The following IL13RA1 variants were observed in gnomAD, a reference collection of about 807,000 sequenced individuals.
IL13RA1 encodes interleukin 13 receptor subunit alpha 1, also known as interleukin-13 receptor subunit alpha-1.
IL13RA1 carries 14 observed loss-of-function variants against 33.8 expected under a neutral mutation model. That is an observed-to-expected ratio of 0.41 (90% confidence interval 0.27 to 0.65). The LOEUF (loss-of-function observed/expected upper bound fraction) is 0.65, where lower values mean the gene tolerates loss of function less well. Ranked by LOEUF, IL13RA1 falls within the 30% of genes least tolerant of loss-of-function variation. IL13RA1 has a pLI of 0.28. For missense variants in IL13RA1, 313 were observed against 327.0 expected (o/e 0.96, Z 0.33); for synonymous variants, 116 against 115.7 (o/e 1.00, Z -0.02).
chrX:118,783,119 T>C (rs1249687929), intron 10 of IL13RA1, among the ~76,000 whole-genome samples: 1 of 111,863 alleles, frequency 8.9e-6, no homozygotes, highest in Non-Finnish European at 1.9e-5. Context: ...CTTAACCAAA[T>C]CTTGAAAGTA....
intron 6 of IL13RA1, among the ~76,000 whole-genome samples, chrX:118,764,808 C>A (rs1056954493): frequency 8.9e-6 from 1 of 111,778 alleles, no homozygotes; most frequent in Non-Finnish European, 1.9e-5. Context: ...TTTTCTCCAA[C>A]CCAGTCAAGT....
chrX:118,766,799 A>T, intron 7 of IL13RA1, 45 bp from the exon 8 acceptor site: 1 of 761,650 alleles, frequency 1.3e-6, no homozygotes, highest in Non-Finnish European at 1.9e-6. Flanking sequence ...AGTGAAAAAG[A>T]ATAAACTGGT....
At chrX:118,773,724 T>A (rs1271901981) in intron 8 of IL13RA1, among the ~76,000 whole-genome samples, 155 bp from the exon 9 acceptor site, 2 of 111,399 alleles carry the variant, frequency 1.8e-5, no homozygotes, top group Non-Finnish European at 3.8e-5. Flanking sequence ...AACTATTAAT[T>A]TAACAGAAGA....
At chrX:118,747,152 T>A in intron 3 of IL13RA1, 60 bp downstream of exon 3, 2 of 694,576 alleles carry the variant, frequency 2.9e-6, no homozygotes, top group Non-Finnish European at 4.4e-6. Context: ...GCTCCAATGC[T>A]TTTGTGCATT....
chrX:118,737,237 G>A (rs544286004), intron 1 of IL13RA1, among the ~76,000 whole-genome samples: 7 of 112,692 alleles, frequency 6.2e-5, no homozygotes, highest in African/African-American at 1.9e-4. Flanking sequence ...GTGCACAGCC[G>A]CCTGCCATGG....
intron 10 of IL13RA1, among the ~76,000 whole-genome samples, chrX:118,776,999 A>G (rs1390092656): frequency 3.2e-3 from 3 of 926 alleles, no homozygotes; most frequent in African/African-American, 0.012. Flanking sequence ...GTGTGTGTGT[A>G]TATATATATA....
chrX:118,783,855 G>A (rs1368126476), intron 10 of IL13RA1, among the ~76,000 whole-genome samples: 1 of 101,279 alleles, frequency 9.9e-6, no homozygotes, highest in Non-Finnish European at 2.0e-5. Flanking sequence ...GAGGCAAGCG[G>A]ATCACCTGAG....
intron 10 of IL13RA1, among the ~76,000 whole-genome samples, chrX:118,785,123 G>A (rs1384150614): frequency 9.1e-6 from 1 of 110,278 alleles, no homozygotes; most frequent in Non-Finnish European, 1.9e-5. Flanking sequence ...TTTGGCACAG[G>A]GTCTTGCTCT....
rs765365430 is a variant in IL13RA1, at chrX:118,791,859, G to A, written c.*5G>A. 13 of 792,824 alleles carry A rather than the reference G, an allele frequency of 1.6e-5. No homozygotes were observed. Among genetic ancestry groups the A allele is most frequent in the Non-Finnish European group, 2.3e-5 (12 of 523,095 alleles). The allele number at this position is 792,824 out of a possible 1,213,427, so 65.3% of individuals were successfully genotyped here. On this transcript the variant is annotated 3_prime_UTR_variant, in exon 11 of 11. Coordinates refer to ENST00000371666, the MANE Select transcript of IL13RA1 (RefSeq NM_001560.3). ...CTGAAGAAAGCCTCTCAGTGATGGA[G>A]ATAATTTATTTTTACCTTCACTGTG... is the stretch of plus-strand genomic sequence containing the variant.
At chrX:118,755,749 C>A (rs1329419098) in intron 4 of IL13RA1, among the ~76,000 whole-genome samples, 1 of 112,137 alleles carries the variant, frequency 8.9e-6, no homozygotes. Context: ...ACATGGCTTT[C>A]TTTAGTTATG....
At chrX:118,783,932 C>G (rs2017874015) in intron 10 of IL13RA1, among the ~76,000 whole-genome samples, 1 of 102,239 alleles carries the variant, frequency 9.8e-6, no homozygotes, top group Non-Finnish European at 2.0e-5. Context: ...CAAAATTGAC[C>G]AGGCATGGTG....
intron 10 of IL13RA1, among the ~76,000 whole-genome samples, chrX:118,788,130 A>G (rs566703628): frequency 1.5e-4 from 17 of 112,361 alleles, no homozygotes; most frequent in African/African-American, 5.2e-4. Flanking sequence ...TGGAGAACTA[A>G]TAAATGTCCA....
chrX:118,797,172 G>A (rs1222514507), downstream of IL13RA1, among the ~76,000 whole-genome samples: 2 of 112,133 alleles, frequency 1.8e-5, no homozygotes, highest in Non-Finnish European at 3.8e-5. Context: ...ACTAGCTCTA[G>A]GCATCAGCGT....
chrX:118,728,487 C>T (rs934624940), intron 1 of IL13RA1, among the ~76,000 whole-genome samples: 5 of 111,922 alleles, frequency 4.5e-5, no homozygotes, highest in Admixed American at 9.4e-5. Flanking sequence ...TTGGTAACTT[C>T]TAGTTAATCA....
At chrX:118,795,211 CAA>C (rs1222782237), downstream of IL13RA1, among the ~76,000 whole-genome samples, 4 of 26,989 alleles carry the variant, frequency 1.5e-4, no homozygotes, top group Admixed American at 4.6e-4. Context: ...GACTCCGTCT[CAA>C]AAAAAAAAAA....
intron 1 of IL13RA1, among the ~76,000 whole-genome samples, chrX:118,729,730 A>G (rs2017195345): frequency 8.9e-6 from 1 of 112,389 alleles, no homozygotes; most frequent in East Asian, 2.8e-4. Flanking sequence ...TACCAATAAT[A>G]TAACTTGTAG....
intron 3 of IL13RA1, among the ~76,000 whole-genome samples, chrX:118,748,373 A>G (rs922583421): frequency 9.4e-6 from 1 of 106,127 alleles, no homozygotes; most frequent in Non-Finnish European, 1.9e-5. Context: ...AAAAAAAAAA[A>G]AAAAAAACGG....
At chrX:118,755,745 C>T (rs1207636300) in intron 4 of IL13RA1, among the ~76,000 whole-genome samples, 1 of 112,094 alleles carries the variant, frequency 8.9e-6, no homozygotes, top group Non-Finnish European at 1.9e-5. Flanking sequence ...TTACACATGG[C>T]TTTCTTTAGT....
chrX:118,761,196 GC>G lies in IL13RA1; in HGVS notation c.736del (p.Gln246AsnfsTer17). 1 of 998,373 alleles carries G rather than the reference GC, an allele frequency of 1.0e-6. No homozygotes were observed. Among genetic ancestry groups the G allele is most frequent in the Non-Finnish European group, 1.4e-6 (1 of 708,005 alleles). 82.3% of individuals were successfully genotyped at this position (998,373 alleles called of 1,213,427 possible). On this transcript the variant is annotated frameshift_variant, in exon 6 of 11. Transcript: ENST00000371666. LOFTEE classifies it high-confidence loss of function. ...CCTTCCACAATGATGACCTATATGT[GC>G]AATGGGAGAATCCACAGAATTTTAT... ...LSFHNDDLYVQWENPQNFISR... is the reference protein window; with the variant it reads ...LSFHNDDLYVXWENPQNFISR...
Sources: allele counts gnomAD v4.1 joint callset (sites outside exome capture counted in the v4.1 genomes callset), GRCh38; gene constraint gnomAD v4.1.1; transcripts MANE v1.5; gene names NCBI Gene and HGNC (gene_info 2026-07-23, HGNC 2026-07-21).